The following RASAL2 variants were observed in gnomAD, a reference collection of about 807,000 sequenced individuals.
The protein encoded by RASAL2 is RAS protein activator like 2, also known as ras GTPase-activating protein nGAP.
A neutral mutation model predicts 128.9 loss-of-function variants in RASAL2; 58 were observed. The ratio of observed to expected loss-of-function variants is 0.45; its 90% confidence interval spans 0.36 to 0.56. The LOEUF (loss-of-function observed/expected upper bound fraction) is 0.56, where lower values mean the gene tolerates loss of function less well. RASAL2 is among the 20% of genes least tolerant of loss of function. The pLI is 0.00. For synonymous variants in RASAL2, 561 were observed against 580.8 expected (o/e 0.97, Z 0.49); for missense variants, 1,360 against 1,601.6 (o/e 0.85, Z 2.57).
In RASAL2 at chr1:178,464,264, T is replaced by C. The variant is rs937015778; in HGVS notation, c.3253-14T>C. The C allele has an allele frequency of 2.5e-6, 4 of 1,601,974 alleles. No individual in the cohort carries two copies. The highest frequency in any genetic ancestry group is 2.7e-5 in the African/African-American group (2 of 74,580). On this transcript the variant is annotated splice_polypyrimidine_tract_variant and intron_variant, in intron 14 of 17. Coordinates refer to ENST00000367649, the MANE Select transcript of RASAL2 (RefSeq NM_170692.4). ...AGCTGTTAGGGGAAATGCTAATAAC[T>C]GTTTCTGATGCAGGTTCAGTCACCT... is the stretch of plus-strand genomic sequence containing the variant.
intron 1 of RASAL2, among the ~76,000 whole-genome samples, chr1:178,156,890 T>A (rs920226862): frequency 1.3e-5 from 2 of 152,158 alleles, no homozygotes; most frequent in African/African-American, 4.8e-5. Context: ...ATGCATAAAA[T>A]CCTCATCAGT....
chr1:178,414,415 A>T (rs2102719298), intron 4 of RASAL2, among the ~76,000 whole-genome samples: 1 of 152,330 alleles, frequency 6.6e-6, no homozygotes, highest in East Asian at 1.9e-4. Flanking sequence ...CCAAACCCAT[A>T]GAATGCACAA....
chr1:178,304,841 T>G (rs922895351), intron 3 of RASAL2, among the ~76,000 whole-genome samples: 1 of 152,110 alleles, frequency 6.6e-6, no homozygotes, highest in Non-Finnish European at 1.5e-5. Flanking sequence ...GCATCCAAAT[T>G]AGAAAGGAAG....
chr1:178,432,143 A>AT (rs1354475991), intron 5 of RASAL2, among the ~76,000 whole-genome samples: 3 of 151,784 alleles, frequency 2.0e-5, no homozygotes, highest in African/African-American at 4.8e-5. Context: ...AAGATGATTA[A>AT]TTTTTTTAAA....
chr1:178,419,304 C>A (rs1163440073), intron 4 of RASAL2, among the ~76,000 whole-genome samples: 1 of 152,016 alleles, frequency 6.6e-6, no homozygotes, highest in Non-Finnish European at 1.5e-5. Flanking sequence ...GTTAGGGTTT[C>A]ATTCTATTGC....
intron 3 of RASAL2, among the ~76,000 whole-genome samples, chr1:178,359,915 A>AT (rs1231052068): frequency 2.6e-5 from 4 of 152,108 alleles, no homozygotes; most frequent in Admixed American, 6.6e-5. Flanking sequence ...CAATTTTGTG[A>AT]TTTTTTTAAC....
At chr1:178,304,493 A>G (rs1667903763) in intron 3 of RASAL2, among the ~76,000 whole-genome samples, 1 of 152,214 alleles carries the variant, frequency 6.6e-6, no homozygotes, top group Non-Finnish European at 1.5e-5. Context: ...ACTGCACTCT[A>G]GCTTAGGCGA....
At chr1:178,226,836 A>T (rs1207894579) in intron 1 of RASAL2, among the ~76,000 whole-genome samples, 1 of 152,134 alleles carries the variant, frequency 6.6e-6, no homozygotes, top group Non-Finnish European at 1.5e-5. Flanking sequence ...GCTATTCGGG[A>T]GGTTGAGGCA....
intron 1 of RASAL2, among the ~76,000 whole-genome samples, chr1:178,164,968 A>G (rs184741616): frequency 6.6e-6 from 1 of 152,048 alleles, no homozygotes; most frequent in African/African-American, 2.4e-5. Flanking sequence ...ACACTAAAAA[A>G]TAATACAAAG....
At chr1:178,325,667 A>G (rs1669003603) in intron 3 of RASAL2, among the ~76,000 whole-genome samples, 1 of 152,252 alleles carries the variant, frequency 6.6e-6, no homozygotes, top group Non-Finnish European at 1.5e-5. Context: ...AGTGGTAGAT[A>G]GGCTCCCTGA....
intron 4 of RASAL2, among the ~76,000 whole-genome samples, chr1:178,415,124 CT>C (rs200786626): frequency 1.1e-4 from 16 of 151,866 alleles, no homozygotes; most frequent in Admixed American, 9.2e-4. Context: ...TTAATTTGCT[CT>C]TTTTTTTCTA....
chr1:178,214,206 GC>G (rs1663349198), intron 1 of RASAL2, among the ~76,000 whole-genome samples: 1 of 152,222 alleles, frequency 6.6e-6, no homozygotes, highest in Admixed American at 6.5e-5. Flanking sequence ...GGAGTTCAAG[GC>G]TATAGTGAAC....
At chr1:178,306,346 C>T (rs987524167) in intron 3 of RASAL2, among the ~76,000 whole-genome samples, 4 of 151,992 alleles carry the variant, frequency 2.6e-5, no homozygotes, top group Non-Finnish European at 4.4e-5. Context: ...TGAATAGTGC[C>T]GCAATAAACA....
intron 1 of RASAL2, among the ~76,000 whole-genome samples, chr1:178,208,482 C>T (rs1194324944): frequency 6.6e-6 from 1 of 152,098 alleles, no homozygotes; most frequent in Non-Finnish European, 1.5e-5. Context: ...GGGAAAAAAA[C>T]TCCGCGCTAG....
chr1:178,407,442 T>A (rs920785091), intron 4 of RASAL2, among the ~76,000 whole-genome samples: 11 of 152,198 alleles, frequency 7.2e-5, no homozygotes, highest in Non-Finnish European at 1.3e-4. Context: ...GCTTTTTTTC[T>A]CAGGTATTTA....
chr1:178,425,264 T>G (rs1032188972), intron 5 of RASAL2, among the ~76,000 whole-genome samples: 2 of 152,148 alleles, frequency 1.3e-5, no homozygotes, highest in African/African-American at 4.8e-5. Flanking sequence ...GAATAGTTCA[T>G]GGTATTAACA....
intron 1 of RASAL2, among the ~76,000 whole-genome samples, chr1:178,130,386 C>T (rs751550479): frequency 6.6e-6 from 1 of 152,178 alleles, no homozygotes; most frequent in Non-Finnish European, 1.5e-5. Context: ...TCCCCCTGGG[C>T]CACTGTATTT....
chr1:178,250,865 G>A (rs10913523), intron 1 of RASAL2, among the ~76,000 whole-genome samples: 39,660 of 152,050 alleles, frequency 0.26, 5,849 homozygotes, highest in African/African-American at 0.41. Context: ...CGAATCAAAT[G>A]TACTTATTTT....
chr1:178,383,469 T>C (rs1170479226), intron 3 of RASAL2, among the ~76,000 whole-genome samples: 2 of 152,326 alleles, frequency 1.3e-5, no homozygotes, highest in South Asian at 2.1e-4. Flanking sequence ...GTATGTGATT[T>C]TTCTTCTCTT....
Sources: allele counts gnomAD v4.1 joint callset (sites outside exome capture counted in the v4.1 genomes callset), GRCh38; gene constraint gnomAD v4.1.1; transcripts MANE v1.5; gene names NCBI Gene and HGNC (gene_info 2026-07-23, HGNC 2026-07-21).